SRPK1: variants seen among roughly 807,000 people sequenced by gnomAD.
SRPK1 encodes the protein SFRS protein kinase 1.
SRPK1 carries 52 observed loss-of-function variants against 89.5 expected under a neutral mutation model. The ratio of observed to expected loss-of-function variants is 0.58; its 90% CI spans 0.46 to 0.73. SRPK1 has a LOEUF of 0.73. Ranked by LOEUF, SRPK1 falls within the 30% of genes least tolerant of loss-of-function variation. The pLI, the probability that SRPK1 is intolerant of heterozygous loss-of-function variation, is 0.00. For missense variants in SRPK1, 603 were observed against 780.6 expected (o/e 0.77, Z 2.71); for synonymous variants, 255 against 270.2 (o/e 0.94, Z 0.55).
chr6:35,890,114 C>CA (rs1323663586), intron 3 of SRPK1, among the ~76,000 whole-genome samples: 9 of 151,666 alleles, frequency 5.9e-5, no homozygotes, highest in Non-Finnish European at 1.0e-4. Flanking sequence ...GCCTCAAAAA[C>CA]AAAAAAACAA....
At chr6:35,851,474 G>A (rs1211256332) in intron 13 of SRPK1, among the ~76,000 whole-genome samples, 2 of 152,008 alleles carry the variant, frequency 1.3e-5, no homozygotes, top group East Asian at 1.9e-4. Context: ...GTGCCCAGCC[G>A]GTATTGGATA....
intron 6 of SRPK1, among the ~76,000 whole-genome samples, chr6:35,883,579 G>T (rs116515671): frequency 5.3e-5 from 8 of 151,994 alleles, no homozygotes; most frequent in Non-Finnish European, 1.2e-4. Flanking sequence ...GTTTTAATTT[G>T]TAAGCAGTGA....
Position 35,890,972 on chromosome 6 carries a change from C to A in SRPK1, c.116G>T (p.Ser39Ile), listed in dbSNP as rs1770506165. The A allele has an allele frequency of 1.3e-6, 2 of 1,553,770 alleles. No individual in the cohort carries two copies. The stretch of plus-strand genomic sequence containing the variant: ...CTCCTCTTCCTGCTCTGGTAGATCA[C>A]TCTCAGAGTGGGGAGCAGAGCCTCG... ...QHRGSAPHSE[S>I]DLPEQEEEIL... The change falls in exon 3 of 16, where the codon AGT becomes ATT. Residue 39 changes from serine to isoleucine, a missense_variant. Coordinates refer to ENST00000373825, the MANE Select transcript of SRPK1 (RefSeq NM_003137.5).
intron 6 of SRPK1, among the ~76,000 whole-genome samples, chr6:35,877,739 A>G (rs1561982319): frequency 6.6e-6 from 1 of 151,958 alleles, no homozygotes; most frequent in Non-Finnish European, 1.5e-5. Context: ...GCTACTTAGG[A>G]GGCTAAGGCA....
At chr6:35,853,078 A>G (rs565459320) in intron 13 of SRPK1, among the ~76,000 whole-genome samples, 1 of 152,274 alleles carries the variant, frequency 6.6e-6, no homozygotes, top group South Asian at 2.1e-4. Flanking sequence ...GGTCTCTACA[A>G]AAAAATTTAA....
chr6:35,901,726 A>G (rs944229676), intron 2 of SRPK1, among the ~76,000 whole-genome samples: 2 of 152,200 alleles, frequency 1.3e-5, no homozygotes, highest in African/African-American at 4.8e-5. Flanking sequence ...GCACCTACAC[A>G]CAATGGAACT....
rs1191374704 is a variant in SRPK1 at position 35,834,596 on chromosome 6, G to A, written c.*708C>T. On this transcript the variant is annotated 3_prime_UTR_variant, in exon 16 of 16. Transcript: ENST00000373825. The stretch of plus-strand genomic sequence containing the variant: ...AAAGGACTGTTTATAGAACACCTGA[G>A]GTTCTCAAGAAATTACTATTCAATG... 6.6e-6 allele frequency: 1 copy of A among 152,128 alleles called. No individual in the cohort carries two copies. The highest frequency in any genetic ancestry group is 1.5e-5 in the Non-Finnish European group (1 of 68,028). 9.4% of individuals were successfully genotyped at this position (152,128 alleles called of 1,614,324 possible). A position where few individuals can be genotyped will look rare whatever the true frequency, so the allele number is the denominator to read the frequency against.
chr6:35,920,076 C>CGG, intron 2 of SRPK1: 1 of 462,404 alleles, frequency 2.2e-6, no homozygotes, highest in Non-Finnish European at 4.3e-6. Context: ...GTGAAGACGT[C>CGG]GGAGGCAAGT....
intron 12 of SRPK1, among the ~76,000 whole-genome samples, chr6:35,858,841 T>C (rs988366964): frequency 6.6e-6 from 1 of 152,182 alleles, no homozygotes; most frequent in Non-Finnish European, 1.5e-5. Context: ...TGACGTAATG[T>C]AGCAGACCTA....
chr6:35,887,383 T>C (rs768368065), intron 5 of SRPK1, among the ~76,000 whole-genome samples: 11 of 152,098 alleles, frequency 7.2e-5, no homozygotes, highest in African/African-American at 1.2e-4. Flanking sequence ...ACTACTGCCA[T>C]AGAAATCTCC....
chr6:35,848,153 C>T (rs780024479), intron 13 of SRPK1, among the ~76,000 whole-genome samples: 1 of 152,162 alleles, frequency 6.6e-6, no homozygotes, highest in Non-Finnish European at 1.5e-5. Flanking sequence ...AGATTCAATG[C>T]AATTCCTATC....
At chr6:35,901,781 T>A (rs1770744816) in intron 2 of SRPK1, among the ~76,000 whole-genome samples, 1 of 151,926 alleles carries the variant, frequency 6.6e-6, no homozygotes, top group Non-Finnish European at 1.5e-5. Flanking sequence ...ATATATATTT[T>A]TCCTGAAAGA....
At chr6:35,895,037 G>A (rs1770601230) in intron 2 of SRPK1, among the ~76,000 whole-genome samples, 1 of 151,790 alleles carries the variant, frequency 6.6e-6, no homozygotes, top group African/African-American at 2.4e-5. Context: ...AGATTCCGGG[G>A]AAAAAAACAA....
chr6:35,884,519 C>G (rs1156755112), intron 6 of SRPK1, among the ~76,000 whole-genome samples: 2 of 152,136 alleles, frequency 1.3e-5, no homozygotes, highest in African/African-American at 4.8e-5. Context: ...CCATTACTAA[C>G]CCTTAACATA....
At chr6:35,889,223 A>G (rs1467709341) in intron 3 of SRPK1, among the ~76,000 whole-genome samples, 1 of 152,192 alleles carries the variant, frequency 6.6e-6, no homozygotes, top group East Asian at 1.9e-4. Context: ...CAATAATTCA[A>G]TAGGTTTATC....
intron 6 of SRPK1, among the ~76,000 whole-genome samples, chr6:35,880,742 A>AAGAAAGAAAG (rs1770259806): frequency 3.5e-5 from 1 of 28,192 alleles, no homozygotes; most frequent in Non-Finnish European, 5.6e-5. Flanking sequence ...AAAGAAAAAA[A>AAGAAAGAAAG]AAAAAAAAGA....
At chr6:35,891,247 A>G (rs1238522178) in intron 2 of SRPK1, among the ~76,000 whole-genome samples, 2 of 152,256 alleles carry the variant, frequency 1.3e-5, no homozygotes, top group African/African-American at 4.8e-5. Flanking sequence ...ACAAAGGAGA[A>G]AAATTACTTG....
chr6:35,877,429 T>C (rs867931057), intron 6 of SRPK1, among the ~76,000 whole-genome samples: 3 of 152,208 alleles, frequency 2.0e-5, no homozygotes, highest in Non-Finnish European at 2.9e-5. Flanking sequence ...TAATCGATCA[T>C]GTGAAACTGA....
chr6:35,841,611 A>G (rs1211055658), intron 14 of SRPK1, among the ~76,000 whole-genome samples: 1 of 152,116 alleles, frequency 6.6e-6, no homozygotes, highest in African/African-American at 2.4e-5. Flanking sequence ...AAGTGGGTGG[A>G]CCACGAGGTC....
Sources: allele counts gnomAD v4.1 joint callset (sites outside exome capture counted in the v4.1 genomes callset), GRCh38; gene constraint gnomAD v4.1.1; transcripts MANE v1.5; gene names NCBI Gene and HGNC (gene_info 2026-07-23, HGNC 2026-07-21).